Variants in BCKDHB observed in about 807,000 individuals in gnomAD.
BCKDHB encodes the protein 2-oxoisovalerate dehydrogenase subunit beta, mitochondrial.
Under a neutral mutation model 48.5 loss-of-function variants are expected in BCKDHB, and 41 were observed. The ratio of observed to expected loss-of-function variants is 0.85; its 90% confidence interval spans 0.66 to 1.10. BCKDHB has a LOEUF of 1.10. Among genes scored for constraint, BCKDHB ranks in the 50% least tolerant of loss-of-function variants. The pLI, the probability that BCKDHB is intolerant of heterozygous loss-of-function variation, is 0.00. For synonymous variants in BCKDHB, 201 were observed against 174.8 expected (o/e 1.15, Z -1.18); for missense variants, 496 against 494.2 (o/e 1.00, Z -0.03).
the BCKDHB span, among the ~76,000 whole-genome samples, chr6:80,450,900 T>C: frequency 6.6e-6 from 1 of 152,128 alleles, no homozygotes. Context: ...ACATTAATAA[T>C]TTAAATAGTA....
downstream of BCKDHB, among the ~76,000 whole-genome samples, chr6:80,348,480 G>A (rs181766674): frequency 1.8e-3 from 272 of 152,284 alleles, no homozygotes; most frequent in Middle Eastern, 6.8e-3. Context: ...TTCTGGAGAG[G>A]CTGCCAATCC....
At chr6:80,249,473 A>G (rs1416067879) in intron 8 of BCKDHB, among the ~76,000 whole-genome samples, 2 of 152,186 alleles carry the variant, frequency 1.3e-5, no homozygotes, top group African/African-American at 4.8e-5. Flanking sequence ...TGCTAGATGC[A>G]AATTAAATTT....
At chr6:80,434,013 G>A in the BCKDHB span, among the ~76,000 whole-genome samples, 1 of 152,118 alleles carries the variant, frequency 6.6e-6, no homozygotes, top group Non-Finnish European at 1.5e-5. Context: ...ACAGGTCACT[G>A]ATACTCTGCT....
chr6:80,348,555 A>G (rs922781953), downstream of BCKDHB, among the ~76,000 whole-genome samples: 1 of 152,204 alleles, frequency 6.6e-6, no homozygotes, highest in East Asian at 1.9e-4. Context: ...ACCTCAGAAT[A>G]GAAAGTGAGG....
At chr6:80,386,967 G>T in the BCKDHB span, among the ~76,000 whole-genome samples, 1 of 152,058 alleles carries the variant, frequency 6.6e-6, no homozygotes, top group Non-Finnish European at 1.5e-5. Flanking sequence ...TTTATGCAGT[G>T]AATCTTTCTC....
At chr6:80,394,143 G>A in the BCKDHB span, among the ~76,000 whole-genome samples, 1 of 152,114 alleles carries the variant, frequency 6.6e-6, no homozygotes, top group Non-Finnish European at 1.5e-5. Context: ...TTATCTCTAA[G>A]ATTCTTGCAT....
the BCKDHB span, among the ~76,000 whole-genome samples, chr6:80,383,012 T>C: frequency 6.6e-6 from 1 of 152,182 alleles, no homozygotes; most frequent in African/African-American, 2.4e-5. Flanking sequence ...TATTTCTCTC[T>C]CATGTACATG....
the BCKDHB span, among the ~76,000 whole-genome samples, chr6:80,364,447 C>T: frequency 5.0e-3 from 757 of 152,216 alleles, 4 homozygotes; most frequent in African/African-American, 0.017. Flanking sequence ...TTGATGCAGG[C>T]AGGGAGGTCA....
the BCKDHB span, among the ~76,000 whole-genome samples, chr6:80,352,151 G>T: frequency 6.8e-6 from 1 of 147,298 alleles, no homozygotes; most frequent in African/African-American, 2.5e-5. Flanking sequence ...TGTTGTTGTT[G>T]TTTTTTTTTT....
downstream of BCKDHB, among the ~76,000 whole-genome samples, chr6:80,348,840 A>G (rs1770315167): frequency 6.6e-6 from 1 of 152,190 alleles, no homozygotes; most frequent in African/African-American, 2.4e-5. Context: ...TCAGGTTTGG[A>G]AAGCAATAGA....
At chr6:80,263,546 C>G (rs1025490686) in intron 8 of BCKDHB, among the ~76,000 whole-genome samples, 2 of 152,060 alleles carry the variant, frequency 1.3e-5, no homozygotes, top group Non-Finnish European at 2.9e-5. Context: ...TAAGCCTTGC[C>G]CATGTATTAT....
intron 3 of BCKDHB, among the ~76,000 whole-genome samples, chr6:80,153,349 C>G (rs948424680): frequency 6.6e-6 from 1 of 152,126 alleles, no homozygotes; most frequent in Admixed American, 6.5e-5. Flanking sequence ...TTCCCCACCC[C>G]ACCCTTCATC....
chr6:80,171,185 A>T lies in BCKDHB; in HGVS notation c.634-97A>T, dbSNP rs1562106702. On this transcript the variant is annotated intron_variant, in intron 5 of 9. Coordinates refer to ENST00000320393, the MANE Select transcript of BCKDHB (RefSeq NM_183050.4). ...AAATAGCCAATATCTATTTTTAATT[A>T]GTAACAATTGATTATTTAAATATCA... 25 of 690,520 alleles carry T rather than the reference A, an allele frequency of 3.6e-5. No homozygotes were observed. The South Asian group carries it at 4.4e-4, about 12-fold the overall frequency. The allele number at this position is 690,520 out of a possible 1,614,324, so 42.8% of individuals were successfully genotyped here. A position where few individuals can be genotyped will look rare whatever the true frequency, so the allele number is the denominator to read the frequency against.
At chr6:80,405,002 A>G in the BCKDHB span, among the ~76,000 whole-genome samples, 4 of 152,076 alleles carry the variant, frequency 2.6e-5, no homozygotes, top group Non-Finnish European at 5.9e-5. Flanking sequence ...CTTGAGAAGA[A>G]TGTGTACTCT....
chr6:80,309,594 T>C (rs1331250282), intron 9 of BCKDHB, among the ~76,000 whole-genome samples: 1 of 88,118 alleles, frequency 1.1e-5, no homozygotes, highest in Non-Finnish European at 2.7e-5. Context: ...TTTGTTTGTT[T>C]GTTTGTTTGT....
chr6:80,180,671 T>A (rs1773370711), intron 6 of BCKDHB, among the ~76,000 whole-genome samples: 1 of 152,182 alleles, frequency 6.6e-6, no homozygotes, highest in Non-Finnish European at 1.5e-5. Context: ...GGAACTTTTT[T>A]AGCAGATGTA....
At chr6:80,394,432 G>T in the BCKDHB span, among the ~76,000 whole-genome samples, 1 of 151,772 alleles carries the variant, frequency 6.6e-6, no homozygotes, top group Non-Finnish European at 1.5e-5. Context: ...TTGACAATCT[G>T]AGTTATTGTT....
intron 3 of BCKDHB, among the ~76,000 whole-genome samples, chr6:80,165,360 T>C (rs1245016191): frequency 6.6e-6 from 1 of 152,150 alleles, no homozygotes; most frequent in Non-Finnish European, 1.5e-5. Flanking sequence ...TCATGATGAG[T>C]ATGAATCATG....
At chr6:80,424,249 C>T in the BCKDHB span, among the ~76,000 whole-genome samples, 2 of 152,154 alleles carry the variant, frequency 1.3e-5, no homozygotes, top group Non-Finnish European at 2.9e-5. Context: ...TACCCAGAGT[C>T]CTCTTGAGCC....
Sources: allele counts gnomAD v4.1 joint callset (sites outside exome capture counted in the v4.1 genomes callset), GRCh38; gene constraint gnomAD v4.1.1; transcripts MANE v1.5; gene names NCBI Gene and HGNC (gene_info 2026-07-23, HGNC 2026-07-21).